ARB2A: variants seen among roughly 807,000 people sequenced by gnomAD.
ARB2A encodes cotranscriptional regulator ARB2A.
chr5:93,621,632 G>A, the ARB2A span, among the ~76,000 whole-genome samples: 1 of 152,246 alleles, frequency 6.6e-6, no homozygotes, highest in African/African-American at 2.4e-5. Flanking sequence ...GGATCGCACA[G>A]CGCCTGTTTC....
chr5:94,069,906 C>A, the ARB2A span, among the ~76,000 whole-genome samples: 3 of 152,122 alleles, frequency 2.0e-5, no homozygotes, highest in Non-Finnish European at 2.9e-5. Context: ...ACAAATGGAA[C>A]TACCATACAA....
chr5:93,700,368 CAT>C, the ARB2A span, among the ~76,000 whole-genome samples: 1 of 151,516 alleles, frequency 6.6e-6, no homozygotes, highest in Admixed American at 6.6e-5. Flanking sequence ...GATGGGGAGA[CAT>C]AGAATATTAG....
chr5:94,057,831 A>C, the ARB2A span, among the ~76,000 whole-genome samples: 1 of 152,218 alleles, frequency 6.6e-6, no homozygotes, highest in Non-Finnish European at 1.5e-5. Flanking sequence ...AAGGCACAGC[A>C]GGAAGGAAGA....
chr5:94,044,542 G>C, the ARB2A span, among the ~76,000 whole-genome samples: 1 of 152,000 alleles, frequency 6.6e-6, no homozygotes, highest in African/African-American at 2.4e-5. Flanking sequence ...CAACCCTTAG[G>C]ATTAAGGGTT....
the ARB2A span, among the ~76,000 whole-genome samples, chr5:93,813,398 A>C: frequency 6.6e-6 from 1 of 152,180 alleles, no homozygotes; most frequent in East Asian, 1.9e-4. Flanking sequence ...TTGATTGCTT[A>C]TAGTGAAAAT....
At chr5:93,767,188 AT>A in the ARB2A span, among the ~76,000 whole-genome samples, 2 of 152,190 alleles carry the variant, frequency 1.3e-5, no homozygotes, top group African/African-American at 4.8e-5. Context: ...TTAAAGTATA[AT>A]AAAGAAAAAA....
chr5:93,878,882 TG>T, the ARB2A span, among the ~76,000 whole-genome samples: 4 of 152,072 alleles, frequency 2.6e-5, no homozygotes, highest in Admixed American at 6.6e-5. Flanking sequence ...TTACTAGTCC[TG>T]GTTTCAACAA....
chr5:93,789,387 A>T, the ARB2A span, among the ~76,000 whole-genome samples: 2 of 151,604 alleles, frequency 1.3e-5, no homozygotes, highest in African/African-American at 4.8e-5. Context: ...AGATGCCTTT[A>T]AAAAAAATAC....
At chr5:93,942,851 G>A in the ARB2A span, among the ~76,000 whole-genome samples, 2 of 152,064 alleles carry the variant, frequency 1.3e-5, no homozygotes, top group African/African-American at 2.4e-5. Context: ...CTGTAGATGT[G>A]TACATGTGTA....
chr5:93,793,104 G>A, the ARB2A span, among the ~76,000 whole-genome samples: 4 of 151,856 alleles, frequency 2.6e-5, no homozygotes, highest in African/African-American at 9.7e-5. Context: ...ACAGGGTCTT[G>A]CTCTGTCACC....
the ARB2A span, among the ~76,000 whole-genome samples, chr5:93,788,188 G>T: frequency 6.6e-6 from 1 of 151,982 alleles, no homozygotes; most frequent in Non-Finnish European, 1.5e-5. Flanking sequence ...TAACATTGTT[G>T]ATGGGGCTGA....
chr5:93,881,542 CT>C, the ARB2A span: 3 of 1,610,332 alleles, frequency 1.9e-6, no homozygotes, highest in Non-Finnish European at 2.5e-6. Context: ...CACGTCGCTT[CT>C]TTGTTTCTTT....
the ARB2A span, among the ~76,000 whole-genome samples, chr5:94,002,550 A>T: frequency 1.3e-5 from 2 of 151,910 alleles, no homozygotes; most frequent in Non-Finnish European, 2.9e-5. Context: ...GCACCCTCCA[A>T]CTTTGGGGTT....
chr5:93,836,278 C>G, the ARB2A span, among the ~76,000 whole-genome samples: 2 of 152,156 alleles, frequency 1.3e-5, no homozygotes, highest in African/African-American at 4.8e-5. Flanking sequence ...CCGCCCACCT[C>G]GGCCTCCCAA....
the ARB2A span, among the ~76,000 whole-genome samples, chr5:93,812,168 A>C: frequency 6.6e-6 from 1 of 152,128 alleles, no homozygotes; most frequent in African/African-American, 2.4e-5. Flanking sequence ...ACATAATATA[A>C]ATATGTTTAA....
chr5:93,907,782 T>C, the ARB2A span, among the ~76,000 whole-genome samples: 1 of 151,394 alleles, frequency 6.6e-6, no homozygotes, highest in Non-Finnish European at 1.5e-5. Flanking sequence ...ACATTTTCTT[T>C]TAATTATATT....
the ARB2A span, among the ~76,000 whole-genome samples, chr5:94,084,305 A>G: frequency 1.3e-5 from 2 of 150,998 alleles, no homozygotes; most frequent in African/African-American, 4.8e-5. Flanking sequence ...AAAAGAAAAT[A>G]GCAAAAATTA....
the ARB2A span, among the ~76,000 whole-genome samples, chr5:93,768,074 A>G: frequency 6.7e-6 from 1 of 149,906 alleles, no homozygotes; most frequent in Non-Finnish European, 1.5e-5. Flanking sequence ...GGAGACTATT[A>G]TTCCAAGTGA....
At chr5:93,838,241 T>C in the ARB2A span, among the ~76,000 whole-genome samples, 40 of 152,218 alleles carry the variant, frequency 2.6e-4, no homozygotes, top group Non-Finnish European at 4.9e-4. Flanking sequence ...CCCAGCACCA[T>C]TTATTGAATA....
Sources: gnomAD v4.1 joint callset for allele counts (sites outside exome capture counted in the v4.1 genomes callset) on GRCh38, gnomAD v4.1.1 for gene constraint, MANE v1.5 for transcripts, NCBI Gene and HGNC (gene_info 2026-07-23, HGNC 2026-07-21) for gene names.